The following MTUS1 variants were observed in gnomAD, a reference collection of about 807,000 sequenced individuals.
MTUS1 encodes the protein microtubule-associated tumor suppressor 1.
Under a neutral mutation model 120.8 loss-of-function variants are expected in MTUS1, and 109 were observed. The observed-to-expected ratio is 0.90, with a 90% CI of 0.77 to 1.06. MTUS1 has a LOEUF of 1.06. Among genes scored for constraint, MTUS1 ranks in the 50% least tolerant of loss-of-function variants. The pLI is 0.00. For synonymous variants in MTUS1, 737 were observed against 550.5 expected, an observed-to-expected ratio of 1.34 and a Z score of -4.74; for missense variants, 2,210 against 1,486.3, an observed-to-expected ratio of 1.49 and a Z score of -8.01.
chr8:17,759,154 T>C (rs1459878493), intron 1 of MTUS1, among the ~76,000 whole-genome samples: 2 of 152,216 alleles, frequency 1.3e-5, no homozygotes, highest in Admixed American at 6.5e-5. Context: ...GTGCTGGGAT[T>C]ACAGGCATGA....
At chr8:17,756,407 CCCT>C (rs1185856512) in intron 1 of MTUS1, among the ~76,000 whole-genome samples, 1 of 152,084 alleles carries the variant, frequency 6.6e-6, no homozygotes, top group East Asian at 1.9e-4. Flanking sequence ...AGAAGGGCCC[CCCT>C]ATTATTTCCA....
At chr8:17,650,579 A>C (rs1806766446) in intron 12 of MTUS1, among the ~76,000 whole-genome samples, 1 of 152,180 alleles carries the variant, frequency 6.6e-6, no homozygotes, top group Admixed American at 6.6e-5. Flanking sequence ...GCATAGTGGC[A>C]TATGCCTACA....
intron 12 of MTUS1, 106 bp from the exon 13 acceptor site, chr8:17,650,068 A>T: frequency 2.7e-6 from 2 of 747,064 alleles, no homozygotes; most frequent in South Asian, 1.5e-5. Context: ...CAAGCGACAG[A>T]TGTTCATCAT....
chr8:17,698,146 G>A lies in MTUS1; in HGVS notation c.2624-13604C>T, dbSNP rs1323620213. 2.0e-5 allele frequency among the ~76,000 whole-genome samples: 3 copies of A among 152,040 alleles called. No individual in the cohort carries two copies. In the East Asian group the frequency reaches 5.8e-4, roughly 29 times the overall value. ...ATAATCAACAGTAAAAGATTAATAC[G>A]GTTTCTCTATCAGATGTAATATCAG... On this transcript the variant is annotated intron_variant, in intron 6 of 14. Transcript: ENST00000693296.
chr8:17,766,800 G>A (rs1233899620), intron 1 of MTUS1, among the ~76,000 whole-genome samples: 1 of 151,862 alleles, frequency 6.6e-6, no homozygotes, highest in Non-Finnish European at 1.5e-5. Flanking sequence ...TGTTTTGGTA[G>A]GTAGATTGAA....
intron 6 of MTUS1, among the ~76,000 whole-genome samples, chr8:17,709,491 C>G (rs416546): frequency 1.3e-5 from 2 of 151,896 alleles, no homozygotes; most frequent in Admixed American, 6.6e-5. Context: ...GCTCATTCTT[C>G]GCTCAGGACT....
At chr8:17,740,747 C>T (rs940139511) in intron 3 of MTUS1, among the ~76,000 whole-genome samples, 1 of 152,196 alleles carries the variant, frequency 6.6e-6, no homozygotes, top group Admixed American at 6.5e-5. Context: ...GTTCTGAAGG[C>T]TGGAATGTCC....
chr8:17,675,149 C>T, intron 8 of MTUS1, 37 bp downstream of exon 8: 1 of 1,611,842 alleles, frequency 6.2e-7, no homozygotes, highest in South Asian at 1.1e-5. Context: ...TTCCCCTTGT[C>T]CCATAAAATT....
At chr8:17,654,699 G>A (rs1585423012) in intron 9 of MTUS1, 33 bp from the exon 10 acceptor site, 1 of 1,507,340 alleles carries the variant, frequency 6.6e-7, no homozygotes, top group Non-Finnish European at 9.2e-7. Flanking sequence ...TGGTTTAACA[G>A]TAAAACCAAA....
chr8:17,759,739 T>C (rs1008639463), intron 1 of MTUS1, among the ~76,000 whole-genome samples: 3 of 150,900 alleles, frequency 2.0e-5, no homozygotes, highest in Non-Finnish European at 3.0e-5. Flanking sequence ...CATTTTCCCA[T>C]GTCATTATAC....
At chr8:17,691,100 T>A (rs1043066474) in intron 6 of MTUS1, among the ~76,000 whole-genome samples, 2 of 152,182 alleles carry the variant, frequency 1.3e-5, no homozygotes, top group Non-Finnish European at 2.9e-5. Flanking sequence ...CTCCAGTGTC[T>A]CTTGATGAAA....
chr8:17,704,665 T>C (rs1274808472), intron 6 of MTUS1, among the ~76,000 whole-genome samples: 1 of 152,244 alleles, frequency 6.6e-6, no homozygotes, highest in Non-Finnish European at 1.5e-5. Flanking sequence ...TTTTAATTAC[T>C]GTGTGTTGTA....
At chr8:17,686,621 C>T (rs3862094) in intron 6 of MTUS1, among the ~76,000 whole-genome samples, 63,520 of 151,940 alleles carry the variant, frequency 0.42, 13,760 homozygotes, top group Middle Eastern at 0.51. Flanking sequence ...TGCTAATCAA[C>T]GCTATTTTTA....
At chr8:17,772,885 G>T (rs2050121994) in intron 1 of MTUS1, among the ~76,000 whole-genome samples, 1 of 152,094 alleles carries the variant, frequency 6.6e-6, no homozygotes, top group Non-Finnish European at 1.5e-5. Context: ...GAAAAGTACT[G>T]GCATGGAAAA....
At chr8:17,774,063 G>C (rs1563369494) in intron 1 of MTUS1, among the ~76,000 whole-genome samples, 1 of 152,134 alleles carries the variant, frequency 6.6e-6, no homozygotes, top group East Asian at 1.9e-4. Context: ...TGCTGGTAAA[G>C]GCAGTCCCCA....
At chr8:17,783,116 G>A (rs960969859) in intron 1 of MTUS1, among the ~76,000 whole-genome samples, 1 of 152,080 alleles carries the variant, frequency 6.6e-6, no homozygotes, top group Non-Finnish European at 1.5e-5. Context: ...CCTTAAGAAC[G>A]CAATGAGGAT....
intron 4 of MTUS1, among the ~76,000 whole-genome samples, chr8:17,718,298 C>A (rs748064227): frequency 3.9e-5 from 6 of 152,156 alleles, no homozygotes; most frequent in Non-Finnish European, 7.3e-5. Context: ...ACAATAAAGT[C>A]CTCAGCGGCA....
At chr8:17,788,107 G>A in intron 1 of MTUS1, among the ~76,000 whole-genome samples, 1 of 151,746 alleles carries the variant, frequency 6.6e-6, no homozygotes, top group Admixed American at 6.6e-5. Flanking sequence ...GGCAACAAGA[G>A]CAAAACTCCA....
At chr8:17,657,177 C>G (rs997719214) in intron 8 of MTUS1, among the ~76,000 whole-genome samples, 2 of 151,190 alleles carry the variant, frequency 1.3e-5, no homozygotes, top group Non-Finnish European at 2.9e-5. Flanking sequence ...CTATTAAACG[C>G]AAATCACCAG....
Sources: allele counts gnomAD v4.1 joint callset (sites outside exome capture counted in the v4.1 genomes callset), GRCh38; gene constraint gnomAD v4.1.1; transcripts MANE v1.5; gene names NCBI Gene and HGNC (gene_info 2026-07-23, HGNC 2026-07-21).